Variants in STK3 observed in about 807,000 individuals in gnomAD.
STK3 encodes serine/threonine kinase 3, also known as serine/threonine-protein kinase 3.
Under a neutral mutation model 58.0 loss-of-function variants are expected in STK3, and 41 were observed. The observed-to-expected ratio is 0.71, with a 90% CI of 0.55 to 0.92. The LOEUF (loss-of-function observed/expected upper bound fraction) is 0.92, where lower values mean the gene tolerates loss of function less well. Ranked by LOEUF, STK3 falls within the 40% of genes least tolerant of loss-of-function variation. The pLI, the probability that STK3 is intolerant of heterozygous loss-of-function variation, is 0.00. For missense variants in STK3, 479 were observed against 602.7 expected (o/e 0.79, Z 2.15); for synonymous variants, 170 against 191.0 (o/e 0.89, Z 0.91).
At chr8:98,585,527 T>G (rs1364495102) in intron 7 of STK3, among the ~76,000 whole-genome samples, 1 of 149,710 alleles carries the variant, frequency 6.7e-6, no homozygotes, top group Non-Finnish European at 1.5e-5. Flanking sequence ...AGTCAGGTAG[T>G]GTGATGCCTC....
At chr8:98,574,896 T>C (rs1305363158) in intron 8 of STK3, among the ~76,000 whole-genome samples, 1 of 152,162 alleles carries the variant, frequency 6.6e-6, no homozygotes, top group African/African-American at 2.4e-5. Flanking sequence ...TTTGCTTGGC[T>C]GGATTCCAAA....
At chr8:98,522,617 C>G (rs1044652678) in intron 10 of STK3, among the ~76,000 whole-genome samples, 2 of 152,062 alleles carry the variant, frequency 1.3e-5, no homozygotes, top group African/African-American at 4.8e-5. Flanking sequence ...TATTTACATT[C>G]ACACTCTCAT....
intron 1 of STK3, among the ~76,000 whole-genome samples, chr8:98,935,690 G>A (rs1180196397): frequency 6.6e-6 from 1 of 152,128 alleles, no homozygotes; most frequent in East Asian, 1.9e-4. Context: ...AAGCAGATGA[G>A]TAACTTTTTC....
intron 3 of STK3, chr8:98,429,036 G>T: frequency 6.2e-7 from 1 of 1,613,560 alleles, no homozygotes. Flanking sequence ...CATTGAAAAG[G>T]AGGAGAACGA....
chr8:98,898,152 T>G (rs1421074084), intron 1 of STK3, among the ~76,000 whole-genome samples: 1 of 152,252 alleles, frequency 6.6e-6, no homozygotes, highest in Non-Finnish European at 1.5e-5. Context: ...ATCCTCCATG[T>G]CCCTAGCTGT....
At chr8:98,863,897 TA>T (rs1025142659) in intron 3 of STK3, among the ~76,000 whole-genome samples, 6 of 151,946 alleles carry the variant, frequency 3.9e-5, no homozygotes, top group African/African-American at 1.5e-4. Context: ...GAAAGCTCCT[TA>T]AAAAAAGTCT....
At chr8:98,647,979 T>C (rs1412567095) in intron 6 of STK3, among the ~76,000 whole-genome samples, 1 of 152,218 alleles carries the variant, frequency 6.6e-6, no homozygotes, top group Non-Finnish European at 1.5e-5. Context: ...GCACTGTCAG[T>C]ATTCTACTTG....
chr8:98,435,724 A>G (rs1818462277), intron 2 of STK3, among the ~76,000 whole-genome samples: 1 of 152,094 alleles, frequency 6.6e-6, no homozygotes, highest in South Asian at 2.1e-4. Context: ...CTGGAGAGAC[A>G]GGGAATACTC....
intron 3 of STK3, among the ~76,000 whole-genome samples, chr8:98,842,232 C>A (rs976266999): frequency 3.3e-5 from 5 of 152,148 alleles, no homozygotes; most frequent in African/African-American, 7.2e-5. Flanking sequence ...TAGTTAACTG[C>A]AATTTTTTAA....
chr8:98,703,499 C>T (rs1825757159), intron 6 of STK3, among the ~76,000 whole-genome samples: 1 of 152,220 alleles, frequency 6.6e-6, no homozygotes. Context: ...TATCTCCTCT[C>T]TAACCTCCTG....
chr8:98,781,206 C>T (rs1289150503), intron 1 of STK3, among the ~76,000 whole-genome samples: 1 of 152,160 alleles, frequency 6.6e-6, no homozygotes, highest in African/African-American at 2.4e-5. Flanking sequence ...CTATGTCAGA[C>T]TGTAGCACAG....
intron 3 of STK3, among the ~76,000 whole-genome samples, chr8:98,862,322 G>A (rs1836966290): frequency 6.6e-6 from 1 of 152,102 alleles, no homozygotes; most frequent in Admixed American, 6.5e-5. Flanking sequence ...ATATAATAGG[G>A]CTAAAATCAT....
At chr8:98,350,397 T>C in the STK3 span, among the ~76,000 whole-genome samples, 6 of 152,214 alleles carry the variant, frequency 3.9e-5, no homozygotes, top group African/African-American at 9.6e-5. Context: ...AAGTTCCAAA[T>C]TGTCTCACAT....
At chr8:98,351,972 A>G in the STK3 span, among the ~76,000 whole-genome samples, 1 of 152,106 alleles carries the variant, frequency 6.6e-6, no homozygotes, top group Non-Finnish European at 1.5e-5. Context: ...ATCCTGGCTA[A>G]CACGGTTAAA....
chr8:98,557,294 T>C (rs959826465), intron 8 of STK3, among the ~76,000 whole-genome samples: 3 of 152,076 alleles, frequency 2.0e-5, no homozygotes, highest in Non-Finnish European at 4.4e-5. Flanking sequence ...TACATTTGCT[T>C]GTATGTCTCG....
At chr8:98,644,662 T>G (rs1820267982) in intron 6 of STK3, among the ~76,000 whole-genome samples, 2 of 152,150 alleles carry the variant, frequency 1.3e-5, no homozygotes, top group Admixed American at 1.3e-4. Context: ...TTAAAATATT[T>G]TTACTCAACA....
At chr8:98,620,426 C>A (rs1205454837) in intron 6 of STK3, among the ~76,000 whole-genome samples, 2 of 142,934 alleles carry the variant, frequency 1.4e-5, no homozygotes. Flanking sequence ...TGTAACTAAC[C>A]TGCACAATGT....
At chr8:98,464,540 T>TTAAAAAAAAAAAAAAAAAAAAAAAAAAA (rs71572015) in intron 10 of STK3, among the ~76,000 whole-genome samples, 1 of 69,228 alleles carries the variant, frequency 1.4e-5, no homozygotes, top group African/African-American at 5.7e-5. Flanking sequence ...TACTTAAAGT[T>TTAAAAAAAAAAAAAAAAAAAAAAAAAAA]AAAAAAAAAA....
At chr8:98,475,309 C>A (rs1821224150) in intron 10 of STK3, among the ~76,000 whole-genome samples, 1 of 152,150 alleles carries the variant, frequency 6.6e-6, no homozygotes, top group Admixed American at 6.5e-5. Context: ...TGATCTTGCT[C>A]AGAAGCACCA....
Sources: gnomAD v4.1 joint callset for allele counts (sites outside exome capture counted in the v4.1 genomes callset) on GRCh38, gnomAD v4.1.1 for gene constraint, MANE v1.5 for transcripts, NCBI Gene and HGNC (gene_info 2026-07-23, HGNC 2026-07-21) for gene names.